The following FADS3 variants were observed in gnomAD, a reference collection of about 807,000 sequenced individuals.
FADS3 encodes cytochrome b5-related protein.
In FADS3, 30 loss-of-function variants were observed where a neutral mutation model predicts 60.4. The observed-to-expected ratio is 0.50, with a 90% CI of 0.37 to 0.67. The LOEUF is 0.67. Among genes scored for constraint, FADS3 ranks in the 30% least tolerant of loss-of-function variants. The pLI, the probability that FADS3 is intolerant of heterozygous loss-of-function variation, is 0.00. For missense variants in FADS3, 432 were observed against 598.3 expected, an observed-to-expected ratio of 0.72 and a Z score of 2.90; for synonymous variants, 234 against 249.3, an observed-to-expected ratio of 0.94 and a Z score of 0.58.
intron 1 of FADS3, chr11:61,881,358 C>T (rs1938123720): frequency 2.6e-5 from 4 of 152,188 alleles, no homozygotes; most frequent in Admixed American, 2.6e-4. Context: ...TAAGCTTGAA[C>T]TTCACACCTG....
intron 1 of FADS3, among the ~76,000 whole-genome samples, chr11:61,887,862 AC>A (rs1170036442): frequency 6.6e-6 from 1 of 152,188 alleles, no homozygotes; most frequent in Non-Finnish European, 1.5e-5. Flanking sequence ...CAAATCCCAG[AC>A]CAATCACTGA....
In FADS3 at chr11:61,877,177, G is replaced by T. The variant is rs1316036948; in HGVS notation, c.886-214C>A. On this transcript the variant is annotated intron_variant, in intron 7 of 11. Transcript: ENST00000278829. This position sits in a 1 kb window ranked among gnomAD's most constrained non-coding sequence, Gnocchi z 4.7. ...CACGAGGCTGATTTTAGTGACGAAGGTGTCATGCAGGGTGTGTTGGGGAAG... is the reference window on the plus strand; with the variant it reads ...CACGAGGCTGATTTTAGTGACGAAGTTGTCATGCAGGGTGTGTTGGGGAAG... 12 of 555,526 alleles carry T rather than the reference G, an allele frequency of 2.2e-5. No individual in the cohort carries two copies. The highest frequency in any genetic ancestry group is 3.5e-5 in the Non-Finnish European group (11 of 310,736). 34.4% of individuals were successfully genotyped at this position (555,526 alleles called of 1,614,324 possible). A position where few individuals can be genotyped will look rare whatever the true frequency, so the allele number is the denominator to read the frequency against.
chr11:61,878,156 C>A lies in FADS3; in HGVS notation c.807G>T (p.Leu269=), dbSNP rs768946836. The A allele has an allele frequency of 3.7e-6, 6 of 1,613,992 alleles. No individual in the cohort carries two copies. In the South Asian group the frequency reaches 6.6e-5, roughly 18 times the overall value. Residue 269 remains leucine, a splice_region_variant and synonymous_variant, in exon 6 of 12, where the codon CTG becomes CTT. Transcript: ENST00000278829. ...CCAGAAGGACAGATGGACACTCACT[C>A]AGGAAGAAGTACAGGTGCTGCTGGT... is the stretch of plus-strand genomic sequence containing the variant. ...PYNQQHLYFF[L]IGPPLLTLVN... is the part of the protein sequence containing the mutation.
At position 61,878,551 on chromosome 11, in the gene FADS3, C is replaced by G; in HGVS notation, c.708G>C (p.Thr236=). The G allele has an allele frequency of 6.2e-7, 1 of 1,614,188 alleles. No individual in the cohort carries two copies. Among genetic ancestry groups the G allele is most frequent in the Non-Finnish European group, 8.5e-7 (1 of 1,180,034 alleles). Residue 236 remains threonine (T), a synonymous_variant, in exon 5 of 12, where the codon ACG becomes ACC. Transcript: ENST00000278829. The stretch of plus-strand genomic sequence containing the variant: ...CCCCCAGGAGGAAGACGGGCGCCAC[C>G]GTCACGTCTGGGTCTTTGTGGAAGA... The part of the protein sequence containing the change: ...PNIFHKDPDV[T]VAPVFLLGES...
At chr11:61,875,780 C>A in intron 11 of FADS3, 71 bp downstream of exon 11, 1 of 1,565,618 alleles carries the variant, frequency 6.4e-7, no homozygotes, top group Middle Eastern at 1.9e-4. Flanking sequence ...CAGCATGAGG[C>A]TGACCTGGAC....
intron 1 of FADS3, among the ~76,000 whole-genome samples, chr11:61,888,693 C>T (rs995253177): frequency 2.6e-5 from 4 of 152,168 alleles, no homozygotes; most frequent in African/African-American, 9.7e-5. Flanking sequence ...CAGCATTTAC[C>T]GAATACAAAC....
intron 1 of FADS3, among the ~76,000 whole-genome samples, chr11:61,885,244 G>A (rs548145634): frequency 5.3e-4 from 80 of 152,164 alleles, no homozygotes; most frequent in African/African-American, 1.8e-3. Flanking sequence ...GGTCGGGGGG[G>A]TGTCCCAGAG....
Position 61,891,462 on chromosome 11 carries a change from G to A in FADS3, c.-81C>T, listed in dbSNP as rs1413387751. 4 of 1,064,454 alleles carry A rather than the reference G, an allele frequency of 3.8e-6. No individual in the cohort carries two copies. The African/African-American group carries it at 4.9e-5, about 13-fold the overall frequency. The allele number at this position is 1,064,454 out of a possible 1,614,324, so 65.9% of individuals were successfully genotyped here. On this transcript the variant is annotated 5_prime_UTR_variant, in exon 1 of 12. Coordinates refer to ENST00000278829, the MANE Select transcript of FADS3 (RefSeq NM_021727.5). ...CCGAGGGAAGCGAAGAGCGCTCCCG[G>A]GCGCCGCCTCCGCCGCCGCCCGCTG...
chr11:61,876,075 C>A lies in FADS3; in HGVS notation c.1160+36G>T. ...CCAGGATCCCCTCCCAGGACCCCCT[C>A]CCCACCTCCCACTGGCCCCCAGCAC... On this transcript the variant is annotated intron_variant, in intron 10 of 11. Transcript: ENST00000278829. The surrounding 1 kb of genome is among the most constrained non-coding windows in gnomAD (Gnocchi z 5.7). 6.2e-7 allele frequency: 1 copy of A among 1,600,554 alleles called. No homozygotes were observed. Among genetic ancestry groups the A allele is most frequent in the South Asian group, 1.1e-5 (1 of 90,554 alleles).
intron 1 of FADS3, among the ~76,000 whole-genome samples, chr11:61,887,727 T>C (rs774463432): frequency 7.9e-5 from 12 of 152,248 alleles, no homozygotes; most frequent in Non-Finnish European, 1.6e-4. Flanking sequence ...GTGAGAACCA[T>C]GCATGACACA....
intron 4 of FADS3, 53 bp from the exon 5 acceptor site, chr11:61,878,687 C>A: frequency 6.2e-7 from 1 of 1,611,786 alleles, no homozygotes; most frequent in Non-Finnish European, 8.5e-7. Context: ...ACTGTGCCCA[C>A]ACACTTGGGC....
chr11:61,879,591 A>C, intron 2 of FADS3, 82 bp from the exon 3 acceptor site: 1 of 1,344,760 alleles, frequency 7.4e-7, no homozygotes, highest in Non-Finnish European at 1.0e-6. Context: ...CGCTCCTCCC[A>C]TCGCCAGGCC....
intron 1 of FADS3, among the ~76,000 whole-genome samples, chr11:61,887,075 G>A (rs1186644489): frequency 6.6e-6 from 1 of 152,256 alleles, no homozygotes; most frequent in Non-Finnish European, 1.5e-5. Flanking sequence ...GTTGCCCATG[G>A]TAACCAGGCA....
rs755315152 is a variant in FADS3 at position 61,891,324 on chromosome 11, G to T, written c.58C>A (p.Leu20Met). 1 of 1,521,326 alleles carries T rather than the reference G, an allele frequency of 6.6e-7. No homozygotes were observed. The highest frequency in any genetic ancestry group is 8.8e-7 in the Non-Finnish European group (1 of 1,138,214). The allele number at this position is 1,521,326 out of a possible 1,614,324, so 94.2% of individuals were successfully genotyped here. A position where few individuals can be genotyped will look rare whatever the true frequency, so the allele number is the denominator to read the frequency against. Reference sequence around the variant, plus strand: ...ATCTGCTCCCAGCAGAAGGTGGGCAGCGGCGCCCCCGGCTGCGCGGGTCCC... The same window carrying T: ...ATCTGCTCCCAGCAGAAGGTGGGCATCGGCGCCCCCGGCTGCGCGGGTCCC... ...REGPAQPGAP[L>M]PTFCWEQIRA... The change falls in exon 1 of 12, where the codon CTG becomes ATG. Residue 20 changes from leucine (L) to methionine (M), a missense_variant. This residue lies in a region of FADS3 where 167 missense variants were observed against 188.8 expected (regional missense o/e 0.88). Transcript: ENST00000278829.
At position 61,891,326 on chromosome 11, in the gene FADS3, G is replaced by C. The variant is rs564000896; in HGVS notation, c.56C>G (p.Pro19Arg). ...CTGCTCCCAGCAGAAGGTGGGCAGC[G>C]GCGCCCCCGGCTGCGCGGGTCCCTC... is the stretch of plus-strand genomic sequence containing the variant. ...PREGPAQPGA[P>R]LPTFCWEQIR... The change falls in exon 1 of 12, where the codon CCG (proline) becomes CGG (arginine). Residue 19 changes from proline to arginine, a missense_variant. This residue lies in a region of FADS3 where 167 missense variants were observed against 188.8 expected (regional missense o/e 0.88). Coordinates refer to ENST00000278829, the MANE Select transcript of FADS3 (RefSeq NM_021727.5). The C allele has an allele frequency of 1.1e-5, 17 of 1,520,622 alleles. No homozygotes were observed. In the African/African-American group the frequency reaches 2.2e-4, roughly 20 times the overall value. 94.2% of individuals were successfully genotyped at this position (1,520,622 alleles called of 1,614,324 possible). A position where few individuals can be genotyped will look rare whatever the true frequency, so the allele number is the denominator to read the frequency against.
At chr11:61,874,691 A>G (rs1359060797) in intron 11 of FADS3, among the ~76,000 whole-genome samples, 1 of 151,972 alleles carries the variant, frequency 6.6e-6, no homozygotes, top group Non-Finnish European at 1.5e-5. Flanking sequence ...CCTCTGCCTG[A>G]ACGCTCTTTG....
chr11:61,878,580 T>A lies in FADS3; in HGVS notation c.679A>T (p.Asn227Tyr). 1 of 1,614,130 alleles carries A rather than the reference T, an allele frequency of 6.2e-7. No individual in the cohort carries two copies. Among genetic ancestry groups the A allele is most frequent in the Non-Finnish European group, 8.5e-7 (1 of 1,180,012 alleles). Residue 227 changes from asparagine to tyrosine, a missense_variant, in exon 5 of 12, where the codon AAC (asparagine) becomes TAC (tyrosine). Coordinates refer to ENST00000278829, the MANE Select transcript of FADS3 (RefSeq NM_021727.5). ...ACGTCTGGGTCTTTGTGGAAGATGT[T>A]GGGCTTGGCGTGGTGCTGGAAGTGG... ...FRHFQHHAKP[N>Y]IFHKDPDVTV... is the part of the protein sequence containing the mutation.
In FADS3 at chr11:61,875,939, C is replaced by A. The variant is rs960189633; in HGVS notation, c.1198G>T (p.Val400Leu). The part of the protein sequence containing the change: ...PRMPRHNYSR[V>L]APLVKSLCAK... ...CACAGCGACTTGACCAGCGGGGCCA[C>A]CCGGCTGTAGTTGTGTCTCGGCATC... Residue 400 changes from valine (V) to leucine (L), a missense_variant, in exon 11 of 12, where the codon GTG becomes TTG. Transcript: ENST00000278829. 1.5e-5 allele frequency: 25 copies of A among 1,613,662 alleles called. No homozygotes were observed. Among genetic ancestry groups the A allele is most frequent in the Non-Finnish European group, 2.1e-5 (25 of 1,180,044 alleles).
intron 1 of FADS3, 159 bp from the exon 2 acceptor site, chr11:61,880,310 T>C: frequency 1.8e-6 from 1 of 555,166 alleles, no homozygotes; most frequent in Non-Finnish European, 3.2e-6. Flanking sequence ...ACATGGGCCC[T>C]CCCTGGTCCT....
Sources: gnomAD v4.1 joint callset for allele counts (sites outside exome capture counted in the v4.1 genomes callset) on GRCh38, gnomAD v4.1.1 for gene constraint, gnomAD v4.1.1 regional missense constraint, Gnocchi (gnomAD v3.1) non-coding constraint, MANE v1.5 for transcripts, NCBI Gene and HGNC (gene_info 2026-07-23, HGNC 2026-07-21) for gene names.